TENM2: variants seen among roughly 807,000 people sequenced by gnomAD.
TENM2 encodes teneurin-2.
A neutral mutation model predicts 245.2 loss-of-function variants in TENM2; 52 were observed. That is an observed-to-expected ratio of 0.21 (90% confidence interval 0.17 to 0.27). The LOEUF is 0.27. TENM2 is among the 10% of genes least tolerant of loss of function. The pLI, the probability that TENM2 is intolerant of heterozygous loss-of-function variation, is 1.00. For synonymous variants in TENM2, 1,363 were observed against 1,438.9 expected, an observed-to-expected ratio of 0.95 and a Z score of 1.19; for missense variants, 3,046 against 3,666.8, an observed-to-expected ratio of 0.83 and a Z score of 4.37.
At chr5:167,981,463 G>C (rs552825118) in intron 4 of TENM2, among the ~76,000 whole-genome samples, 6 of 152,270 alleles carry the variant, frequency 3.9e-5, no homozygotes, top group African/African-American at 1.4e-4. Flanking sequence ...TGTAGATAGG[G>C]TAATAGGTGT....
chr5:168,229,206 C>T (rs1278117449), intron 25 of TENM2, among the ~76,000 whole-genome samples: 2 of 88,266 alleles, frequency 2.3e-5, no homozygotes, highest in Non-Finnish European at 3.7e-5. Flanking sequence ...CTCAGGGAAG[C>T]TAAATTACCT....
At chr5:167,143,451 C>A in the TENM2 span, among the ~76,000 whole-genome samples, 2 of 152,064 alleles carry the variant, frequency 1.3e-5, no homozygotes, top group Non-Finnish European at 2.9e-5. Context: ...TCTGATCTTA[C>A]CTTTGTGTAT....
At chr5:167,263,470 A>G in the TENM2 span, among the ~76,000 whole-genome samples, 3 of 152,154 alleles carry the variant, frequency 2.0e-5, no homozygotes, top group South Asian at 4.1e-4. Context: ...AATTCAGACT[A>G]TTTTCATCTC....
chr5:167,379,549 A>G (rs559695926), intron 2 of TENM2, among the ~76,000 whole-genome samples: 1 of 152,260 alleles, frequency 6.6e-6, no homozygotes, highest in South Asian at 2.1e-4. Flanking sequence ...CAAACTAAAC[A>G]TGCGAGTGGA....
At chr5:168,150,076 T>G (rs1756504240) in intron 12 of TENM2, among the ~76,000 whole-genome samples, 1 of 152,204 alleles carries the variant, frequency 6.6e-6, no homozygotes, top group Admixed American at 6.5e-5. Context: ...CCTAAAGCAG[T>G]GATTACCATC....
At chr5:168,190,302 A>T in intron 13 of TENM2, 35 bp from the exon 16 acceptor site, 1 of 1,567,790 alleles carries the variant, frequency 6.4e-7, no homozygotes, top group Non-Finnish European at 8.7e-7. Flanking sequence ...ATGCCATGAA[A>T]TCTGCTGACT....
chr5:167,763,100 G>C (rs1382764877), intron 2 of TENM2, among the ~76,000 whole-genome samples: 1 of 152,148 alleles, frequency 6.6e-6, no homozygotes, highest in East Asian at 1.9e-4. Context: ...TTAAATATTG[G>C]CACTCAAAGT....
At position 167,548,707 on chromosome 5, in the gene TENM2, G is replaced by T. The variant is rs768861865; in HGVS notation, c.502+173234G>T. Among the ~76,000 whole-genome samples, 36 of 152,020 alleles carry T rather than the reference G, an allele frequency of 2.4e-4. 1 individual carries two copies. Among genetic ancestry groups the T allele is most frequent in the Non-Finnish European group, 4.7e-4 (32 of 68,010 alleles). ...ATATTCTGTCAAAAAACAAGATATAGACCATTTACTTTAAATACCTAAAAA... is the reference window on the plus strand; with the variant it reads ...ATATTCTGTCAAAAAACAAGATATATACCATTTACTTTAAATACCTAAAAA... On this transcript the variant is annotated intron_variant, in intron 2 of 28. Transcript: ENST00000518659.
At position 168,247,113 on chromosome 5, in the gene TENM2, C is replaced by T. The variant is rs760877516; in HGVS notation, c.6174C>T (p.Gly2058=). 4 of 1,613,928 alleles carry T rather than the reference C, an allele frequency of 2.5e-6. No individual in the cohort carries two copies. In the South Asian group the frequency reaches 3.3e-5, roughly 13 times the overall value. The change falls in exon 27 of 29, where the codon GGC becomes GGT. Residue 2058 remains glycine, a synonymous_variant. Coordinates refer to ENST00000518659, the Ensembl canonical transcript of TENM2. The surrounding 1 kb of genome is among the most constrained non-coding windows in gnomAD (Gnocchi z 7.8). ...AGATGGTCAACCTCCAAAGTGGGGG[C>T]TTCTCCTGCACCATCAGGTACCGGA...
chr5:167,160,311 G>C, the TENM2 span, among the ~76,000 whole-genome samples: 1 of 152,228 alleles, frequency 6.6e-6, no homozygotes, highest in Admixed American at 6.5e-5. Context: ...TGGTCCACAG[G>C]ACGGAGGTCT....
chr5:168,046,343 A>G (rs1228313753), intron 5 of TENM2, among the ~76,000 whole-genome samples: 1 of 152,238 alleles, frequency 6.6e-6, no homozygotes, highest in East Asian at 1.9e-4. Flanking sequence ...GAATGTAGCA[A>G]CAGTGTCAAC....
chr5:168,077,048 C>T (rs1791539442), intron 7 of TENM2, among the ~76,000 whole-genome samples: 1 of 152,166 alleles, frequency 6.6e-6, no homozygotes, highest in South Asian at 2.1e-4. Flanking sequence ...AGCTATGTAA[C>T]CTCTCTGTGT....
At chr5:167,867,882 T>C (rs528045655) in intron 2 of TENM2, among the ~76,000 whole-genome samples, 19 of 152,202 alleles carry the variant, frequency 1.2e-4, no homozygotes, top group African/African-American at 4.6e-4. Flanking sequence ...TAGACTTGCT[T>C]TGAGGAAATT....
At chr5:167,380,370 A>G (rs570055212) in intron 2 of TENM2, among the ~76,000 whole-genome samples, 2 of 152,280 alleles carry the variant, frequency 1.3e-5, no homozygotes, top group East Asian at 1.9e-4. Context: ...TGTTCTGCAA[A>G]TGGACTCGTA....
At chr5:167,726,844 GC>G (rs1033618571) in intron 2 of TENM2, among the ~76,000 whole-genome samples, 2 of 152,084 alleles carry the variant, frequency 1.3e-5, no homozygotes, top group African/African-American at 4.8e-5. Flanking sequence ...CTTGCTAATG[GC>G]CACAGATGCC....
chr5:168,132,906 A>G (rs1371234654), intron 12 of TENM2, among the ~76,000 whole-genome samples: 1 of 152,218 alleles, frequency 6.6e-6, no homozygotes, highest in Non-Finnish European at 1.5e-5. Flanking sequence ...TGGAGAGCTG[A>G]GCTCCCTTAG....
chr5:167,238,060 C>T, the TENM2 span, among the ~76,000 whole-genome samples: 3 of 150,148 alleles, frequency 2.0e-5, no homozygotes, highest in African/African-American at 7.4e-5. Context: ...AACTCTCCAG[C>T]TCAGAATGTA....
At chr5:167,975,229 C>T (rs1370022627) in intron 4 of TENM2, among the ~76,000 whole-genome samples, 2 of 152,198 alleles carry the variant, frequency 1.3e-5, no homozygotes, top group Non-Finnish European at 1.5e-5. Flanking sequence ...ACCTGCATGA[C>T]AGTTTTCCTT....
intron 2 of TENM2, among the ~76,000 whole-genome samples, chr5:167,444,582 G>A (rs574047606): frequency 1.3e-5 from 2 of 152,258 alleles, no homozygotes; most frequent in South Asian, 2.1e-4. Context: ...ATAGAAGTAG[G>A]TTACTGATCC....
Sources: gnomAD v4.1 joint callset for allele counts (sites outside exome capture counted in the v4.1 genomes callset) on GRCh38, gnomAD v4.1.1 for gene constraint, Gnocchi (gnomAD v3.1) non-coding constraint, MANE v1.5 for transcripts, NCBI Gene and HGNC (gene_info 2026-07-23, HGNC 2026-07-21) for gene names.